Variants in ZNF280D observed in about 807,000 individuals in gnomAD.
ZNF280D encodes zinc finger protein 280D, also known as suppressor of hairy wing homolog 4.
A neutral mutation model predicts 94.7 loss-of-function variants in ZNF280D; 39 were observed. That is an observed-to-expected ratio of 0.41 (90% CI 0.32 to 0.54). The LOEUF (loss-of-function observed/expected upper bound fraction) is 0.54. Ranked by LOEUF, ZNF280D falls within the 20% of genes least tolerant of loss-of-function variation. The pLI, the probability that ZNF280D is intolerant of heterozygous loss-of-function variation, is 0.22. For missense variants in ZNF280D, 1,090 were observed against 1,149.3 expected, an observed-to-expected ratio of 0.95 and a Z score of 0.75; for synonymous variants, 398 against 377.6, an observed-to-expected ratio of 1.05 and a Z score of -0.63.
At chr15:56,684,086 A>G (rs1284412067) in intron 9 of ZNF280D, among the ~76,000 whole-genome samples, 1 of 152,212 alleles carries the variant, frequency 6.6e-6, no homozygotes, top group Non-Finnish European at 1.5e-5. Context: ...GACCTGATTC[A>G]GTACAGAGAA....
chr15:56,696,266 G>A (rs2056741530), intron 6 of ZNF280D, among the ~76,000 whole-genome samples: 1 of 152,140 alleles, frequency 6.6e-6, no homozygotes, highest in Non-Finnish European at 1.5e-5. Context: ...AGTTACTTCT[G>A]AGTTTCAAGT....
At chr15:56,727,910 C>A (rs1398892369) in intron 1 of ZNF280D, among the ~76,000 whole-genome samples, 1 of 152,170 alleles carries the variant, frequency 6.6e-6, no homozygotes, top group African/African-American at 2.4e-5. Flanking sequence ...GCATTCTCAT[C>A]CAGTGGGAAG....
At chr15:56,687,580 A>G (rs933972734) in intron 9 of ZNF280D, among the ~76,000 whole-genome samples, 3 of 152,206 alleles carry the variant, frequency 2.0e-5, no homozygotes, top group African/African-American at 7.2e-5. Flanking sequence ...CTTCACATGT[A>G]TATCTTTGCA....
chr15:56,707,953 A>C (rs1423434138), intron 1 of ZNF280D, among the ~76,000 whole-genome samples: 3 of 152,026 alleles, frequency 2.0e-5, no homozygotes, highest in Non-Finnish European at 2.9e-5. Context: ...ATTTTTTTAA[A>C]AACTATTTGA....
At chr15:56,707,405 A>C (rs1423671159) in intron 1 of ZNF280D, 99 bp from the exon 2 acceptor site, 1 of 975,756 alleles carries the variant, frequency 1.0e-6, no homozygotes, top group East Asian at 3.8e-5. Flanking sequence ...TATGTTTGAT[A>C]TATCTGATAT....
chr15:56,635,091 C>T, intron 21 of ZNF280D, 104 bp downstream of exon 21: 1 of 611,998 alleles, frequency 1.6e-6, no homozygotes, highest in Non-Finnish European at 2.6e-6. Flanking sequence ...GCACTATATA[C>T]AAACATTTAA....
At chr15:56,669,877 A>ATATATTATATATATATAATATATATATAT (rs2054576832) in intron 13 of ZNF280D, among the ~76,000 whole-genome samples, 1 of 8,212 alleles carries the variant, frequency 1.2e-4, no homozygotes, top group African/African-American at 2.7e-4. Flanking sequence ...TATATTTTAT[A>ATATATTATATATATATAATATATATATAT]TATATATATA....
intron 20 of ZNF280D, among the ~76,000 whole-genome samples, chr15:56,636,882 A>G (rs1322445533): frequency 6.6e-6 from 1 of 152,118 alleles, no homozygotes; most frequent in Non-Finnish European, 1.5e-5. Context: ...GGCCTCCCAA[A>G]GTGCTGGGAT....
chr15:56,631,308 C>T lies in ZNF280D; in HGVS notation c.*190G>A. The T allele has an allele frequency of 7.4e-6, 4 of 540,008 alleles. No homozygotes were observed. Among genetic ancestry groups the T allele is most frequent in the South Asian group, 4.0e-5 (1 of 25,028 alleles). 33.5% of individuals were successfully genotyped at this position (540,008 alleles called of 1,614,324 possible). On this transcript the variant is annotated 3_prime_UTR_variant, in exon 22 of 22. Coordinates refer to ENST00000267807, the MANE Select transcript of ZNF280D (RefSeq NM_017661.4). ...TGTTTTTAAAAACTTTTTGGGAATC[C>T]CTACTAATCATGCTATTATTGGTGA... is the stretch of plus-strand genomic sequence containing the variant.
chr15:56,654,067 C>G, intron 19 of ZNF280D, 131 bp downstream of exon 19: 1 of 1,499,594 alleles, frequency 6.7e-7, no homozygotes, highest in Non-Finnish European at 8.8e-7. Flanking sequence ...TTTCAACAAG[C>G]AGCTTTAAAA....
At chr15:56,678,228 A>T (rs2055377889) in intron 11 of ZNF280D, among the ~76,000 whole-genome samples, 1 of 151,966 alleles carries the variant, frequency 6.6e-6, no homozygotes, top group African/African-American at 2.4e-5. Context: ...GGCTGGTCTC[A>T]AACTCCTGGC....
In ZNF280D at chr15:56,690,367, G is replaced by A. The variant is rs537723844; in HGVS notation, c.500-897C>T. Among the ~76,000 whole-genome samples the A allele has an allele frequency of 1.8e-4, 28 of 152,244 alleles. No individual in the cohort carries two copies. In the South Asian group the frequency reaches 3.1e-3, roughly 17 times the overall value. On this transcript the variant is annotated intron_variant, in intron 7 of 21. Coordinates refer to ENST00000267807, the MANE Select transcript of ZNF280D (RefSeq NM_017661.4). ...ACTGCACTCCAGCCTGGGCAACAGA[G>A]CAAGACTCTGTCTCAAAAAAAATAA... is the stretch of plus-strand genomic sequence containing the variant.
At chr15:56,655,617 T>C (rs1441107600) in intron 17 of ZNF280D, among the ~76,000 whole-genome samples, 1 of 152,240 alleles carries the variant, frequency 6.6e-6, no homozygotes, top group African/African-American at 2.4e-5. Flanking sequence ...AGAGTTTTTG[T>C]CCTCACTGGA....
chr15:56,651,331 C>T (rs2053190773), intron 19 of ZNF280D, among the ~76,000 whole-genome samples: 1 of 151,966 alleles, frequency 6.6e-6, no homozygotes, highest in South Asian at 2.1e-4. Context: ...GGCTATCTGA[C>T]CAGATGAATA....
chr15:56,662,240 T>C (rs2053989038), intron 16 of ZNF280D, among the ~76,000 whole-genome samples: 1 of 152,106 alleles, frequency 6.6e-6, no homozygotes, highest in Non-Finnish European at 1.5e-5. Flanking sequence ...ACCTAAAAGC[T>C]ATAAGCCAAT....
intron 9 of ZNF280D, among the ~76,000 whole-genome samples, chr15:56,687,512 A>G (rs776107306): frequency 2.6e-5 from 4 of 152,134 alleles, no homozygotes; most frequent in Non-Finnish European, 5.9e-5. Flanking sequence ...ACTAATAAAA[A>G]ATTATTTTCT....
At chr15:56,723,972 C>A (rs1377345045) in intron 1 of ZNF280D, among the ~76,000 whole-genome samples, 1 of 152,178 alleles carries the variant, frequency 6.6e-6, no homozygotes, top group Admixed American at 6.5e-5. Context: ...AATCATCTGA[C>A]AACACAGTAT....
Position 56,663,862 on chromosome 15 carries a change from C to T in ZNF280D, c.1994+2533G>A, listed in dbSNP as rs941460422. The stretch of plus-strand genomic sequence containing the variant: ...TTGCAGTGAGCTTTGACTGCAAGAC[C>T]TAGCACTCTGGGGTGACAGAGTGAG... On this transcript the variant is annotated intron_variant, in intron 16 of 21. Coordinates refer to ENST00000267807, the MANE Select transcript of ZNF280D (RefSeq NM_017661.4). Among the ~76,000 whole-genome samples, 6 of 151,888 alleles carry T rather than the reference C, an allele frequency of 4.0e-5. No homozygotes were observed. In the East Asian group the frequency reaches 5.8e-4, roughly 15 times the overall value.
rs995380074 is a variant in ZNF280D at position 56,666,465 on chromosome 15, T to C, written c.1924A>G (p.Thr642Ala). ...EIKDFANHFP[T>A]YVHCSFCRYN... ...CTGCAAAAACTACAGTGGACGTACG[T>C]AGGAAAGTGGTTTGCAAAATCTTTT... The change falls in exon 16 of 22, where the codon ACG (threonine) becomes GCG (alanine). Residue 642 changes from threonine (T) to alanine (A), a missense_variant. Around this residue, in one of 3 missense-constraint regions of ZNF280D, gnomAD observed 577 missense variants for 568.8 expected, o/e 1.01. Transcript: ENST00000267807. The C allele has an allele frequency of 5.0e-6, 8 of 1,601,798 alleles. No homozygotes were observed. The highest frequency in any genetic ancestry group is 5.1e-6 in the Non-Finnish European group (6 of 1,176,808).
Sources: allele counts gnomAD v4.1 joint callset (sites outside exome capture counted in the v4.1 genomes callset), GRCh38; gene constraint gnomAD v4.1.1; regional missense constraint gnomAD v4.1.1; transcripts MANE v1.5; gene names NCBI Gene and HGNC (gene_info 2026-07-23, HGNC 2026-07-21).